SLC8A2: variants seen among roughly 807,000 people sequenced by gnomAD.
SLC8A2 encodes the protein sodium/calcium exchanger 2.
In SLC8A2, 14 loss-of-function variants were observed where a neutral mutation model predicts 70.2. That is an observed-to-expected ratio of 0.20 (90% CI 0.13 to 0.31). The LOEUF is 0.31. Among genes scored for constraint, SLC8A2 ranks in the 10% least tolerant of loss-of-function variants. The pLI, the probability that SLC8A2 is intolerant of heterozygous loss-of-function variation, is 1.00. For synonymous variants in SLC8A2, 575 were observed against 594.3 expected (o/e 0.97, Z 0.47); for missense variants, 779 against 1,320.1 (o/e 0.59, Z 6.35).
At chr19:47,438,243 G>A (rs1485201216) in intron 6 of SLC8A2, among the ~76,000 whole-genome samples, 1 of 152,106 alleles carries the variant, frequency 6.6e-6, no homozygotes, top group Non-Finnish European at 1.5e-5. Context: ...GAGCCTCTCT[G>A]TGCCTTAGTT....
chr19:47,452,401 A>ATG, intron 3 of SLC8A2, among the ~76,000 whole-genome samples: 1 of 38,980 alleles, frequency 2.6e-5, no homozygotes, highest in African/African-American at 1.1e-4. Flanking sequence ...ATATATGGAG[A>ATG]GAGAGAGAGA....
chr19:47,457,390 C>T lies in SLC8A2; in HGVS notation c.880G>A (p.Glu294Lys). 6.4e-7 allele frequency: 1 copy of T among 1,558,356 alleles called. No homozygotes were observed. The highest frequency in any genetic ancestry group is 8.7e-7 in the Non-Finnish European group (1 of 1,153,684). ...GTFVGAEAPG[E>K]LGGLGPGPAE... The stretch of plus-strand genomic sequence containing the variant: ...GGGCCCGGGCCCAGGCCGCCCAGCT[C>T]ACCTGGGGCCTCGGCGCCCACGAAC... Residue 294 changes from glutamate (E) to lysine (K), a missense_variant, in exon 3 of 10, where the codon GAG becomes AAG. Physicochemically the swap from Glu to Lys is moderately conservative, Grantham distance 56. Transcript: ENST00000236877.
In SLC8A2 at chr19:47,468,748, G is replaced by A. The variant is rs966998623; in HGVS notation, c.-16-2329C>T. Among the ~76,000 whole-genome samples, 3 of 152,154 alleles carry A rather than the reference G, an allele frequency of 2.0e-5. No individual in the cohort carries two copies. Among genetic ancestry groups the A allele is most frequent in the Admixed American group, 6.5e-5 (1 of 15,278 alleles). ...GAGGACCAAGGCGCAGAGAGGTTAC[G>A]GAACTTGCCCACATCATCCAGCACC... On this transcript the variant is annotated intron_variant, in intron 1 of 9. Coordinates refer to ENST00000236877, the MANE Select transcript of SLC8A2 (RefSeq NM_015063.3). This position sits in a 1 kb window ranked among gnomAD's most constrained non-coding sequence, Gnocchi z 5.1.
In SLC8A2 at chr19:47,430,452, G is replaced by A; in HGVS notation, c.2403C>T (p.Ser801=). 1 of 1,602,100 alleles carries A rather than the reference G, an allele frequency of 6.2e-7. No individual in the cohort carries two copies. Among genetic ancestry groups the A allele is most frequent in the Middle Eastern group, 1.7e-4 (1 of 5,882 alleles). Residue 801 remains serine (S), a synonymous_variant, in exon 10 of 10, where the codon AGC becomes AGT. Transcript: ENST00000236877. The surrounding 1 kb of genome is among the most constrained non-coding windows in gnomAD (Gnocchi z 5.9). ...LGTSIPDTFA[S]KVAALQDQCA... is the part of the protein sequence containing the mutation. ...ACTGGTCCTGCAGCGCCGCCACCTT[G>A]CTGGCGAACGTGTCTGCGAGGCAGA...
chr19:47,439,073 C>G (rs923851723), intron 6 of SLC8A2, among the ~76,000 whole-genome samples: 1 of 152,186 alleles, frequency 6.6e-6, no homozygotes, highest in Non-Finnish European at 1.5e-5. Flanking sequence ...CCAGGCTTAG[C>G]CCCCGAAAAC....
intron 7 of SLC8A2, 108 bp from the exon 8 acceptor site, chr19:47,437,669 C>G (rs1967047497): frequency 3.5e-6 from 4 of 1,157,674 alleles, no homozygotes; most frequent in Non-Finnish European, 5.1e-6. Context: ...GGGTCCTCAA[C>G]TTTCCACACC....
At chr19:47,437,654 C>G (rs1259583235) in intron 7 of SLC8A2, 93 bp from the exon 8 acceptor site, 1 of 1,198,558 alleles carries the variant, frequency 8.3e-7, no homozygotes, top group Non-Finnish European at 1.2e-6. Flanking sequence ...ACAGCCTGTG[C>G]CCAGGGGTCC....
chr19:47,457,343 G>A lies in SLC8A2; in HGVS notation c.927C>T (p.Asp309=). The change falls in exon 3 of 10, where the codon GAC becomes GAT. Residue 309 remains aspartate (D), a synonymous_variant. Transcript: ENST00000236877. ...GPGPAEAREL[D]ASRREVIQIL... ...TCTGGATGACCTCGCGGCGGCTGGC[G>A]TCCAGCTCGCGCGCCTCGGCGGGGC... The A allele has an allele frequency of 1.3e-6, 2 of 1,542,254 alleles. No individual in the cohort carries two copies. The highest frequency in any genetic ancestry group is 1.7e-6 in the Non-Finnish European group (2 of 1,144,130).
intron 2 of SLC8A2, among the ~76,000 whole-genome samples, chr19:47,461,790 T>G (rs927108630): frequency 7.2e-5 from 11 of 152,214 alleles, no homozygotes; most frequent in Non-Finnish European, 1.5e-4. Context: ...CCCAAACCCC[T>G]AAGATTTTCC....
rs1261128929 is a variant in SLC8A2, at chr19:47,428,371, AGT to A, written c.*1716_*1717del. ...ACGACTGACGAATGGGGGCATGGAG[AGT>A]GGAGGTGCGTGGCTTGTGGAAGCCC... On this transcript the variant is annotated 3_prime_UTR_variant, in exon 10 of 10. Coordinates refer to ENST00000236877, the MANE Select transcript of SLC8A2 (RefSeq NM_015063.3). 4 of 134,850 alleles carry A rather than the reference AGT, an allele frequency of 3.0e-5. No individual in the cohort carries two copies. The Admixed American group carries it at 3.1e-4, about 10-fold the overall frequency. The allele number at this position is 134,850 out of a possible 1,614,324, so 8.4% of individuals were successfully genotyped here. A position where few individuals can be genotyped will look rare whatever the true frequency, so the allele number is the denominator to read the frequency against.
chr19:47,437,931 C>A lies in SLC8A2; in HGVS notation c.1928G>T (p.Arg643Leu). Residue 643 changes from arginine (R) to leucine (L), a missense_variant, in exon 7 of 10, where the codon CGG becomes CTG. This residue lies in a region of SLC8A2 where 247 missense variants were observed against 362.8 expected (regional missense o/e 0.68). Coordinates refer to ENST00000236877, the MANE Select transcript of SLC8A2 (RefSeq NM_015063.3). ...TGGCTTGCCCATCTCTGCTATCCTC[C>A]GAGCCTCCTCCTCCTCGGCTGTTAG... ...RKLTAEEEEA[R>L]RIAEMGKPVL... The A allele has an allele frequency of 6.2e-7, 1 of 1,614,128 alleles. No individual in the cohort carries two copies. The highest frequency in any genetic ancestry group is 1.1e-5 in the South Asian group (1 of 91,078).
chr19:47,469,112 C>CTGTGCG (rs1173417294), intron 1 of SLC8A2, among the ~76,000 whole-genome samples: 91 of 128,724 alleles, frequency 7.1e-4, no homozygotes, highest in African/African-American at 2.4e-3. Context: ...AGGAGCATGC[C>CTGTGCG]TGTGTGCGTG....
chr19:47,430,719 C>T lies in SLC8A2; in HGVS notation c.2390-254G>A, dbSNP rs182461936. Reference sequence around the variant, plus strand: ...GATTCATTCTCTTCTATGGGACTCACTGCGTGATTTCTTTTTTTTTCCTCC... The same window carrying T: ...GATTCATTCTCTTCTATGGGACTCATTGCGTGATTTCTTTTTTTTTCCTCC... On this transcript the variant is annotated intron_variant, in intron 9 of 9. Transcript: ENST00000236877. This position sits in a 1 kb window ranked among gnomAD's most constrained non-coding sequence, Gnocchi z 5.9. Among the ~76,000 whole-genome samples the T allele has an allele frequency of 4.5e-4, 68 of 152,346 alleles. No individual in the cohort carries two copies. In the South Asian group the frequency reaches 5.4e-3, roughly 12 times the overall value.
In SLC8A2 at chr19:47,447,268, G is replaced by A. The variant is rs1599850780; in HGVS notation, c.1763+541C>T. Among the ~76,000 whole-genome samples, 2 of 149,768 alleles carry A rather than the reference G, an allele frequency of 1.3e-5. No homozygotes were observed. The highest frequency in any genetic ancestry group is 2.0e-4 in the East Asian group (1 of 4,966). On this transcript the variant is annotated intron_variant, in intron 4 of 9. Transcript: ENST00000236877. This position sits in a 1 kb window ranked among gnomAD's most constrained non-coding sequence, Gnocchi z 5.1. The stretch of plus-strand genomic sequence containing the variant: ...GCCCTGGACCCGCCCCCTCTCCACA[G>A]CCACCGACAGCGTCTCATCTCCACA...
chr19:47,461,985 G>A (rs1054383999), intron 2 of SLC8A2, among the ~76,000 whole-genome samples: 2 of 152,168 alleles, frequency 1.3e-5, no homozygotes, highest in Admixed American at 1.3e-4. Context: ...TCATCACTAG[G>A]GAGGGGGACA....
intron 4 of SLC8A2, 89 bp from the exon 5 acceptor site, chr19:47,441,529 T>C: frequency 1.4e-6 from 1 of 719,504 alleles, no homozygotes; most frequent in Non-Finnish European, 2.4e-6. Flanking sequence ...GCCACCCAGT[T>C]TTCCAAGCAC....
At chr19:47,433,188 C>T (rs1966985787) in intron 8 of SLC8A2, among the ~76,000 whole-genome samples, 1 of 152,206 alleles carries the variant, frequency 6.6e-6, no homozygotes, top group Admixed American at 6.5e-5. Context: ...CAGAAGCCTT[C>T]ACAGCTGCTG....
At chr19:47,437,792 C>T (rs1374998762) in intron 7 of SLC8A2, 57 bp downstream of exon 7, 2 of 1,607,736 alleles carry the variant, frequency 1.2e-6, no homozygotes, top group East Asian at 2.2e-5. Context: ...TTTCCGGACC[C>T]TCCCCAAGGA....
At position 47,430,531 on chromosome 19, in the gene SLC8A2, C is replaced by A; in HGVS notation, c.2390-66G>T. On this transcript the variant is annotated intron_variant, in intron 9 of 9. Coordinates refer to ENST00000236877, the MANE Select transcript of SLC8A2 (RefSeq NM_015063.3). This position sits in a 1 kb window ranked among gnomAD's most constrained non-coding sequence, Gnocchi z 5.9. The stretch of plus-strand genomic sequence containing the variant: ...GCCACCCACAGGGGCGGGCATCCGC[C>A]TGCCCCCTCCCAGCCTTTCCCGGTC... The A allele has an allele frequency of 6.8e-7, 1 of 1,461,060 alleles. No homozygotes were observed. The highest frequency in any genetic ancestry group is 1.4e-5 in the South Asian group (1 of 73,590). 90.5% of individuals were successfully genotyped at this position (1,461,060 alleles called of 1,614,324 possible).
Sources: gnomAD v4.1 joint callset for allele counts (sites outside exome capture counted in the v4.1 genomes callset) on GRCh38, gnomAD v4.1.1 for gene constraint, gnomAD v4.1.1 regional missense constraint, Gnocchi (gnomAD v3.1) non-coding constraint, MANE v1.5 for transcripts, NCBI Gene and HGNC (gene_info 2026-07-23, HGNC 2026-07-21) for gene names.